Variants in LMF1 observed in about 807,000 individuals in gnomAD.
LMF1 encodes lipase maturation factor 1, also known as transmembrane protein 112.
LMF1 carries 68 observed loss-of-function variants against 60.6 expected under a neutral mutation model. That is an observed-to-expected ratio of 1.12 (90% confidence interval 0.92 to 1.37). The LOEUF is 1.37. Among genes scored for constraint, LMF1 ranks in the 40% most tolerant of loss-of-function variants. LMF1 has a pLI of 0.00. For synonymous variants in LMF1, 418 were observed against 324.7 expected, an observed-to-expected ratio of 1.29 and a Z score of -3.09; for missense variants, 948 against 767.2, an observed-to-expected ratio of 1.24 and a Z score of -2.78.
chr16:871,345 T>A lies in LMF1; in HGVS notation c.898-4A>T. On this transcript the variant is annotated splice_region_variant and splice_polypyrimidine_tract_variant and intron_variant, in intron 6 of 10. Transcript: ENST00000262301. ...TCCCGCTGACGATGAGGACGGCCTG[T>A]GGAGACGCCGCAGCTGAGTCTCGTG... The A allele has an allele frequency of 1.9e-6, 3 of 1,610,622 alleles. No homozygotes were observed. The highest frequency in any genetic ancestry group is 2.5e-6 in the Non-Finnish European group (3 of 1,179,350).
Position 955,126 on chromosome 16 carries a change from A to G in LMF1, c.194-460T>C, listed in dbSNP as rs1427820252. ...TGCACACACACACACACATCTAAGT[A>G]AACTAGACAAGTTACATAAAATGCG... On this transcript the variant is annotated intron_variant, in intron 1 of 10. Coordinates refer to ENST00000262301, the MANE Select transcript of LMF1 (RefSeq NM_022773.4). 3.9e-3 allele frequency among the ~76,000 whole-genome samples: 345 copies of G among 87,990 alleles called. 28 individuals carry two copies. The highest frequency in any genetic ancestry group is 7.7e-3 in the African/African-American group (122 of 15,832). The allele number at this position is 87,990 out of a possible 152,430, so 57.7% of individuals were successfully genotyped here.
intron 3 of LMF1, among the ~76,000 whole-genome samples, chr16:919,738 T>A (rs1180255447): frequency 6.6e-6 from 1 of 151,974 alleles, no homozygotes; most frequent in Non-Finnish European, 1.5e-5. Flanking sequence ...AACACTGGTG[T>A]GCAGAGAGGA....
At chr16:868,503 C>A (rs898131701) in intron 10 of LMF1, among the ~76,000 whole-genome samples, 5 of 152,172 alleles carry the variant, frequency 3.3e-5, no homozygotes, top group African/African-American at 9.6e-5. Flanking sequence ...CCGGAGTGGG[C>A]GAGGCTGCAG....
chr16:929,524 G>T (rs574668656), intron 3 of LMF1, among the ~76,000 whole-genome samples: 1 of 152,360 alleles, frequency 6.6e-6, no homozygotes, highest in African/African-American at 2.4e-5. Context: ...GTCCTCTCGG[G>T]TTCCCGCATC....
intron 3 of LMF1, among the ~76,000 whole-genome samples, chr16:915,077 C>T (rs990414012): frequency 1.3e-5 from 2 of 152,226 alleles, no homozygotes; most frequent in African/African-American, 4.8e-5. Flanking sequence ...ATCTCGTGCT[C>T]GCTTCCTAGA....
intron 1 of LMF1, chr16:976,966 G>A (rs1057392115): frequency 1.5e-5 from 7 of 453,674 alleles, no homozygotes; most frequent in East Asian, 7.0e-5. Context: ...GGGGAGGGCT[G>A]GGCTGGAAAT....
In LMF1 at chr16:871,204, C is replaced by T. The variant is rs770009080; in HGVS notation, c.1035G>A (p.Gln345=). 4 of 1,610,598 alleles carry T rather than the reference C, an allele frequency of 2.5e-6. No individual in the cohort carries two copies. In the African/African-American group the frequency reaches 5.3e-5, roughly 21 times the overall value. ...GGGCCCCTCGGATGTCCCTCTGCATCTGCAGAACTCGGTCCTTCAGGCTGC... is the reference window on the plus strand; with the variant it reads ...GGGCCCCTCGGATGTCCCTCTGCATTTGCAGAACTCGGTCCTTCAGGCTGC... ...GPGSLKDRVL[Q]MQRDIRGARP... is the part of the protein sequence containing the mutation. The change falls in exon 7 of 11, where the codon CAG becomes CAA. Residue 345 remains glutamine (Q), a synonymous_variant. Transcript: ENST00000262301.
upstream of LMF1, among the ~76,000 whole-genome samples, chr16:973,040 G>A (rs940170908): frequency 6.6e-6 from 1 of 152,208 alleles, no homozygotes. Flanking sequence ...AAAGTGCACT[G>A]GGTTATGATT....
chr16:934,371 A>G, intron 2 of LMF1, 117 bp from the exon 3 acceptor site: 1 of 1,345,742 alleles, frequency 7.4e-7, no homozygotes, highest in Non-Finnish European at 1.0e-6. Flanking sequence ...GGGTCAGGGA[A>G]GCCCTGCGAG....
intron 10 of LMF1, among the ~76,000 whole-genome samples, chr16:857,452 GAGTGGTGT>G (rs2069225746): frequency 1.4e-5 from 2 of 143,602 alleles, no homozygotes; most frequent in South Asian, 2.3e-4. Context: ...GGACGGGTGT[GAGTGGTGT>G]CTCGGGACGG....
chr16:954,650 C>T lies in LMF1; in HGVS notation c.210G>A (p.Val70=), dbSNP rs761692036. The part of the protein sequence containing the change: ...LAFVYFVAFL[V]AFHQNKQLIG... ...TGAGCTGCTTGTTCTGATGGAAAGC[C>T]ACCAGGAATGCCACGACTGGAAGAA... Residue 70 remains valine, a synonymous_variant, in exon 2 of 11, where the codon GTG becomes GTA. Transcript: ENST00000262301. 8.8e-6 allele frequency: 14 copies of T among 1,597,966 alleles called. No homozygotes were observed. The highest frequency in any genetic ancestry group is 1.3e-5 in the African/African-American group (1 of 74,556).
chr16:949,098 G>A (rs1220673337), intron 2 of LMF1, among the ~76,000 whole-genome samples: 1 of 85,344 alleles, frequency 1.2e-5, no homozygotes, highest in Non-Finnish European at 2.1e-5. Context: ...CAGAGACAAT[G>A]ACAGAGCCAG....
chr16:944,522 G>A (rs541180783), intron 2 of LMF1, among the ~76,000 whole-genome samples: 44 of 152,322 alleles, frequency 2.9e-4, no homozygotes, highest in Middle Eastern at 3.4e-3. Context: ...GCAGAAGGCC[G>A]GGGCCACCAA....
At chr16:918,797 A>G (rs8051636) in intron 3 of LMF1, among the ~76,000 whole-genome samples, 7,372 of 71,396 alleles carry the variant, frequency 0.1, 215 homozygotes, top group African/African-American at 0.16. Flanking sequence ...CGCGGGGCCG[A>G]CGTCCCGGGG....
At position 934,258 on chromosome 16, in the gene LMF1, A is replaced by G; in HGVS notation, c.504-4T>C. 1.3e-6 allele frequency: 2 copies of G among 1,599,350 alleles called. No homozygotes were observed. Among genetic ancestry groups the G allele is most frequent in the Non-Finnish European group, 1.7e-6 (2 of 1,179,748 alleles). On this transcript the variant is annotated splice_region_variant and splice_polypyrimidine_tract_variant and intron_variant, in intron 2 of 10. Coordinates refer to ENST00000262301, the MANE Select transcript of LMF1 (RefSeq NM_022773.4). ...ATCTCACTTACCGAAAGAGTACCTG[A>G]AAAACAAAAGAAGAAACGAGTATTA...
chr16:931,848 A>G (rs1484827099), intron 3 of LMF1: 1 of 1,260,212 alleles, frequency 7.9e-7, no homozygotes, highest in Non-Finnish European at 1.0e-6. Context: ...TCAGGCGGAA[A>G]ACATTAACAT....
chr16:916,351 A>G (rs1358960414), intron 3 of LMF1, among the ~76,000 whole-genome samples: 1 of 152,206 alleles, frequency 6.6e-6, no homozygotes, highest in Admixed American at 6.5e-5. Flanking sequence ...ACTGCCTGTC[A>G]CTCAGCTCTG....
intron 6 of LMF1, chr16:871,724 C>CT (rs2069800085): frequency 4.9e-6 from 1 of 203,396 alleles, no homozygotes; most frequent in Non-Finnish European, 9.9e-6. Flanking sequence ...TGAGTCCAAA[C>CT]AGAGGAGGCT....
intron 3 of LMF1, chr16:931,888 C>T (rs2151784105): frequency 9.9e-7 from 1 of 1,014,918 alleles, no homozygotes; most frequent in South Asian, 1.4e-5. Flanking sequence ...TTCTGAGTCC[C>T]TACAATTACC....
Sources: gnomAD v4.1 joint callset for allele counts (sites outside exome capture counted in the v4.1 genomes callset) on GRCh38, gnomAD v4.1.1 for gene constraint, MANE v1.5 for transcripts, NCBI Gene and HGNC (gene_info 2026-07-23, HGNC 2026-07-21) for gene names.